SPAST: variants seen among roughly 807,000 people sequenced by gnomAD.
The protein encoded by SPAST is spastic paraplegia 4 (autosomal dominant; spastin).
SPAST carries 30 observed loss-of-function variants against 76.6 expected under a neutral mutation model. That is an observed-to-expected ratio of 0.39 (90% confidence interval 0.29 to 0.53). SPAST has a LOEUF of 0.53. SPAST is among the 20% of genes least tolerant of loss of function. The probability of loss-of-function intolerance (pLI) is 0.68; values close to 1 mark genes in which losing one functional copy is unlikely to be tolerated. For missense variants in SPAST, 717 were observed against 770.5 expected, an observed-to-expected ratio of 0.93 and a Z score of 0.82; for synonymous variants, 305 against 281.0, an observed-to-expected ratio of 1.09 and a Z score of -0.86.
intron 3 of SPAST, among the ~76,000 whole-genome samples, chr2:32,097,991 C>G (rs539291540): frequency 2.0e-5 from 3 of 152,218 alleles, no homozygotes; most frequent in African/African-American, 7.2e-5. Flanking sequence ...AGCCACTGCG[C>G]CTGGCTGTCC....
chr2:32,114,957 A>ATTT (rs11399176), intron 5 of SPAST, 132 bp downstream of exon 5: 23,867 of 481,810 alleles, frequency 0.05, 131 homozygotes, highest in Middle Eastern at 0.079. Context: ...ATAAAGTTAA[A>ATTT]TTTTTTTTTT....
chr2:32,108,716 G>A (rs1678417576), intron 4 of SPAST, among the ~76,000 whole-genome samples: 2 of 136,618 alleles, frequency 1.5e-5, no homozygotes, highest in African/African-American at 5.3e-5. Flanking sequence ...CTCCCAGAGT[G>A]TTGGGATTAT....
At chr2:32,103,238 T>C (rs1678194302) in intron 4 of SPAST, among the ~76,000 whole-genome samples, 1 of 152,224 alleles carries the variant, frequency 6.6e-6, no homozygotes, top group Admixed American at 6.5e-5. Flanking sequence ...TTCTAGATTT[T>C]CTAGTTTATT....
intron 1 of SPAST, among the ~76,000 whole-genome samples, chr2:32,085,358 G>T (rs779224694): frequency 6.6e-6 from 1 of 152,090 alleles, no homozygotes; most frequent in Admixed American, 6.6e-5. Context: ...TGGGACCACA[G>T]ATGTGTATCC....
At chr2:32,125,554 T>C (rs1679162795) in intron 7 of SPAST, among the ~76,000 whole-genome samples, 1 of 151,996 alleles carries the variant, frequency 6.6e-6, no homozygotes, top group Non-Finnish European at 1.5e-5. Context: ...TATTAGCCAT[T>C]TCATATGATT....
At chr2:32,128,538 T>C (rs1679273635) in intron 9 of SPAST, 59 bp downstream of exon 9, 1 of 1,079,092 alleles carries the variant, frequency 9.3e-7, no homozygotes, top group African/African-American at 1.5e-5. Flanking sequence ...TGTTACTGTG[T>C]TAACTGTAAA....
At chr2:32,123,720 A>G (rs1352558804) in intron 7 of SPAST, among the ~76,000 whole-genome samples, 1 of 152,226 alleles carries the variant, frequency 6.6e-6, no homozygotes, top group Non-Finnish European at 1.5e-5. Context: ...ATCAACCCAC[A>G]CAGATAAAGT....
intron 1 of SPAST, among the ~76,000 whole-genome samples, chr2:32,072,661 A>G (rs941242681): frequency 2.0e-5 from 3 of 152,170 alleles, no homozygotes; most frequent in African/African-American, 7.2e-5. Context: ...GAAAATTATC[A>G]TATTTCATAA....
At chr2:32,085,553 C>T (rs1558621381) in intron 1 of SPAST, among the ~76,000 whole-genome samples, 1 of 151,936 alleles carries the variant, frequency 6.6e-6, no homozygotes. Context: ...TTATCAAGTA[C>T]TTTTTGAGCA....
intron 4 of SPAST, among the ~76,000 whole-genome samples, chr2:32,104,586 G>A (rs547225223): frequency 2.6e-4 from 40 of 152,136 alleles, no homozygotes; most frequent in Non-Finnish European, 4.3e-4. Flanking sequence ...GCAGTGGCTT[G>A]TACCGGTTGT....
At chr2:32,082,526 G>C (rs186209296) in intron 1 of SPAST, among the ~76,000 whole-genome samples, 1 of 151,802 alleles carries the variant, frequency 6.6e-6, no homozygotes, top group African/African-American at 2.4e-5. Flanking sequence ...GAGAAACTCC[G>C]TCTCTACTAA....
intron 7 of SPAST, among the ~76,000 whole-genome samples, chr2:32,124,721 TGATC>T (rs1275720027): frequency 1.3e-5 from 2 of 152,092 alleles, no homozygotes; most frequent in Non-Finnish European, 2.9e-5. Context: ...TAAAAAGAAA[TGATC>T]TATCAAGCCA....
intron 9 of SPAST, chr2:32,128,921 T>A: frequency 4.6e-6 from 1 of 216,796 alleles, no homozygotes; most frequent in Non-Finnish European, 9.4e-6. Flanking sequence ...TATCTTTATG[T>A]GGCATTCTCC....
At chr2:32,126,077 G>C (rs946679010) in intron 7 of SPAST, among the ~76,000 whole-genome samples, 12 of 152,172 alleles carry the variant, frequency 7.9e-5, no homozygotes, top group African/African-American at 2.4e-4. Flanking sequence ...TTACAGGCGT[G>C]AGCCACTGTA....
At chr2:32,134,012 AT>A (rs1679453968) in intron 9 of SPAST, among the ~76,000 whole-genome samples, 1 of 152,120 alleles carries the variant, frequency 6.6e-6, no homozygotes, top group South Asian at 2.1e-4. Flanking sequence ...CCTATGTGAA[AT>A]TTTACAAGTC....
intron 15 of SPAST, 86 bp downstream of exon 15, chr2:32,145,093 A>AT (rs1053320496): frequency 3.2e-3 from 3,072 of 945,530 alleles, no homozygotes; most frequent in Non-Finnish European, 3.8e-3. Flanking sequence ...CTACCAAGAG[A>AT]TTTTTTTTTT....
At chr2:32,137,578 G>A (rs985842662) in intron 12 of SPAST, among the ~76,000 whole-genome samples, 9 of 152,284 alleles carry the variant, frequency 5.9e-5, no homozygotes, top group Admixed American at 4.6e-4. Context: ...CTGGAAGGAC[G>A]GTTTGGGTCA....
intron 12 of SPAST, among the ~76,000 whole-genome samples, chr2:32,141,475 G>C (rs1268696462): frequency 6.6e-6 from 1 of 152,192 alleles, no homozygotes; most frequent in African/African-American, 2.4e-5. Context: ...CAGATCCTTT[G>C]TGTGTCTTCC....
chr2:32,128,693 A>C (rs1679277633), intron 9 of SPAST: 1 of 549,070 alleles, frequency 1.8e-6, no homozygotes, highest in South Asian at 2.1e-5. Flanking sequence ...CCATGTAATA[A>C]AATACCGTAA....
Sources: allele counts gnomAD v4.1 joint callset (sites outside exome capture counted in the v4.1 genomes callset), GRCh38; gene constraint gnomAD v4.1.1; transcripts MANE v1.5; gene names NCBI Gene and HGNC (gene_info 2026-07-23, HGNC 2026-07-21).